TRABD: variants seen among roughly 807,000 people sequenced by gnomAD.
TRABD encodes the protein traB domain-containing protein.
TRABD carries 23 observed loss-of-function variants against 39.6 expected under a neutral mutation model. That is an observed-to-expected ratio of 0.58 (90% CI 0.42 to 0.82). The LOEUF (loss-of-function observed/expected upper bound fraction) is 0.82. Among genes scored for constraint, TRABD ranks in the 40% least tolerant of loss-of-function variants. TRABD has a pLI of 0.00. For synonymous variants in TRABD, 243 were observed against 232.1 expected (o/e 1.05, Z -0.43); for missense variants, 487 against 544.9 (o/e 0.89, Z 1.06).
Position 50,199,052 on chromosome 22 carries a change from G to A in TRABD, c.*533G>A. The A allele has an allele frequency of 4.2e-6, 3 of 709,320 alleles. No individual in the cohort carries two copies. Among genetic ancestry groups the A allele is most frequent in the South Asian group, 3.0e-5 (2 of 66,978 alleles). 43.9% of individuals were successfully genotyped at this position (709,320 alleles called of 1,614,324 possible). On this transcript the variant is annotated 3_prime_UTR_variant, in exon 10 of 10. Coordinates refer to ENST00000380909, the MANE Select transcript of TRABD (RefSeq NM_001320485.2). ...CCTCCCTGGCACCGTCTGCCTGCAGGGATTCTGTGTTTTTGGCTTTTTTAA... is the reference window on the plus strand; with the variant it reads ...CCTCCCTGGCACCGTCTGCCTGCAGAGATTCTGTGTTTTTGGCTTTTTTAA...
At position 50,198,506 on chromosome 22, in the gene TRABD, C is replaced by G. The variant is rs1312534136; in HGVS notation, c.1118C>G (p.Ala373Gly). The G allele has an allele frequency of 6.4e-7, 1 of 1,566,982 alleles. No homozygotes were observed. The highest frequency in any genetic ancestry group is 1.1e-5 in the South Asian group (1 of 86,970). Residue 373 changes from alanine to glycine, a missense_variant, in exon 10 of 10, where the codon GCC becomes GGC. This residue lies in a region of TRABD where 123 missense variants were observed against 108.3 expected (regional missense o/e 1.14). Transcript: ENST00000380909. This position sits in a 1 kb window ranked among gnomAD's most constrained non-coding sequence, Gnocchi z 7.9. ...TACTGCCTGCAGAGGGTGACCGAGG[C>G]CCGGCACAAGTAGGAGACTGCTCCC... is the stretch of plus-strand genomic sequence containing the variant. ...AQYCLQRVTEARHK is the reference protein window; with the variant it reads ...AQYCLQRVTEGRHK
chr22:50,196,106 G>C (rs993048482), intron 5 of TRABD, among the ~76,000 whole-genome samples: 2 of 152,196 alleles, frequency 1.3e-5, no homozygotes, highest in Non-Finnish European at 2.9e-5. Flanking sequence ...CGTGGGGCAG[G>C]GTCTGGGAGA....
At chr22:50,187,001 G>C (rs1278280596) in intron 1 of TRABD, among the ~76,000 whole-genome samples, 1 of 152,258 alleles carries the variant, frequency 6.6e-6, no homozygotes, top group African/African-American at 2.4e-5. Flanking sequence ...CTAGCTTTCA[G>C]GTCCCTGAAG....
At chr22:50,187,418 G>A (rs2063788664) in intron 1 of TRABD, among the ~76,000 whole-genome samples, 1 of 152,214 alleles carries the variant, frequency 6.6e-6, no homozygotes, top group South Asian at 2.1e-4. Flanking sequence ...CAAAGCTCTG[G>A]GCCACACCCT....
rs547754093 is a variant in TRABD at position 50,199,226 on chromosome 22, C to T, written c.*707C>T. The stretch of plus-strand genomic sequence containing the variant: ...GCTCGCGTGCAGCCAAACATCAGCT[C>T]TGGGTCCAGGCGTGGCCTCAGCTGG... On this transcript the variant is annotated 3_prime_UTR_variant, in exon 10 of 10. Transcript: ENST00000380909. 2.8e-5 allele frequency: 19 copies of T among 689,012 alleles called. No individual in the cohort carries two copies. Among genetic ancestry groups the T allele is most frequent in the Non-Finnish European group, 4.9e-5 (18 of 369,332 alleles). The allele number at this position is 689,012 out of a possible 1,614,324, so 42.7% of individuals were successfully genotyped here.
rs2064186264 is a variant in TRABD at position 50,198,068 on chromosome 22, C to T, written c.845-7C>T. On this transcript the variant is annotated splice_region_variant and splice_polypyrimidine_tract_variant and intron_variant, in intron 8 of 9. Transcript: ENST00000380909. This position sits in a 1 kb window ranked among gnomAD's most constrained non-coding sequence, Gnocchi z 7.9. The stretch of plus-strand genomic sequence containing the variant: ...AGCAGGTACTGACCCCTTGTCCTTC[C>T]CCACAGCCGAGCCCAGGAAGTGCGT... The T allele has an allele frequency of 1.2e-6, 2 of 1,612,458 alleles. No homozygotes were observed. The highest frequency in any genetic ancestry group is 1.7e-6 in the Non-Finnish European group (2 of 1,179,592).
At position 50,198,084 on chromosome 22, in the gene TRABD, G is replaced by C. The variant is rs2064187061; in HGVS notation, c.854G>C (p.Arg285Thr). Residue 285 changes from arginine to threonine, a missense_variant, in exon 9 of 10, where the codon AGG becomes ACG. By Grantham distance (71) the Arg-to-Thr change is moderately conservative. This residue lies in a region of TRABD where 358 missense variants were observed against 414.7 expected (regional missense o/e 0.86). Transcript: ENST00000380909. This position sits in a 1 kb window ranked among gnomAD's most constrained non-coding sequence, Gnocchi z 7.9. ...ELPRASDAEP[R>T]KCVPSVVVGV... is the part of the protein sequence containing the mutation. ...TTGTCCTTCCCCACAGCCGAGCCCA[G>C]GAAGTGCGTCCCCTCCGTGGTCGTG... 1 of 1,612,568 alleles carries C rather than the reference G, an allele frequency of 6.2e-7. No individual in the cohort carries two copies. The highest frequency in any genetic ancestry group is 8.5e-7 in the Non-Finnish European group (1 of 1,179,700).
chr22:50,193,014 T>G lies in TRABD; in HGVS notation c.-34-13T>G, dbSNP rs946647515. Reference sequence around the variant, plus strand: ...CTCCAGGTGGAAACCCCGCCTCTCATGCCTCTCCTCAGGCTCCCCACAGGT... The same window carrying G: ...CTCCAGGTGGAAACCCCGCCTCTCAGGCCTCTCCTCAGGCTCCCCACAGGT... On this transcript the variant is annotated splice_polypyrimidine_tract_variant and intron_variant, in intron 1 of 9. Transcript: ENST00000380909. 2 of 1,542,326 alleles carry G rather than the reference T, an allele frequency of 1.3e-6. No individual in the cohort carries two copies. The highest frequency in any genetic ancestry group is 1.7e-6 in the Non-Finnish European group (2 of 1,146,764).
chr22:50,189,366 C>T (rs2063835202), intron 1 of TRABD, among the ~76,000 whole-genome samples: 1 of 152,206 alleles, frequency 6.6e-6, no homozygotes, highest in South Asian at 2.1e-4. Flanking sequence ...TACCCATGCT[C>T]AGGAGGCATG....
At chr22:50,189,165 G>A (rs911131307) in intron 1 of TRABD, among the ~76,000 whole-genome samples, 1 of 152,150 alleles carries the variant, frequency 6.6e-6, no homozygotes, top group Non-Finnish European at 1.5e-5. Flanking sequence ...AGAGAAGCTC[G>A]AGGCCGAGGC....
At chr22:50,197,763 A>G (rs892976731) in intron 7 of TRABD, 60 bp from the exon 8 acceptor site, 4 of 1,439,782 alleles carry the variant, frequency 2.8e-6, no homozygotes, top group South Asian at 2.3e-5. Flanking sequence ...CCACAGTGCC[A>G]GCCCCACCCC....
intron 1 of TRABD, chr22:50,190,470 G>T (rs895453211): frequency 6.6e-6 from 1 of 152,320 alleles, no homozygotes; most frequent in African/African-American, 2.4e-5. Flanking sequence ...GTGGAGGGTG[G>T]GGGCTGACCG....
At chr22:50,197,763 A>AGCGCCCCCCCCCCCCCCCCGGT in intron 7 of TRABD, 60 bp from the exon 8 acceptor site, 1 of 1,439,784 alleles carries the variant, frequency 6.9e-7, no homozygotes, top group Non-Finnish European at 9.7e-7. Context: ...CCACAGTGCC[A>AGCGCCCCCCCCCCCCCCCCGGT]GCCCCACCCC....
rs767842575 is a variant in TRABD at position 50,199,172 on chromosome 22, A to C, written c.*653A>C. 10 of 716,860 alleles carry C rather than the reference A, an allele frequency of 1.4e-5. No individual in the cohort carries two copies. Among genetic ancestry groups the C allele is most frequent in the South Asian group, 8.9e-5 (6 of 67,714 alleles). The allele number at this position is 716,860 out of a possible 1,614,324, so 44.4% of individuals were successfully genotyped here. On this transcript the variant is annotated 3_prime_UTR_variant, in exon 10 of 10. Coordinates refer to ENST00000380909, the MANE Select transcript of TRABD (RefSeq NM_001320485.2). Reference sequence around the variant, plus strand: ...CCAGCCTTAAATCCAAAGGGAGAGAATTCGTGTTCTTGGGTCTGTCCCGAG... The same window carrying C: ...CCAGCCTTAAATCCAAAGGGAGAGACTTCGTGTTCTTGGGTCTGTCCCGAG...
chr22:50,198,600 G>T lies in TRABD; in HGVS notation c.*81G>T, dbSNP rs1319668972. The T allele has an allele frequency of 2.2e-6, 3 of 1,376,824 alleles. No homozygotes were observed. The highest frequency in any genetic ancestry group is 3.1e-5 in the South Asian group (2 of 65,052). 85.3% of individuals were successfully genotyped at this position (1,376,824 alleles called of 1,614,324 possible). On this transcript the variant is annotated 3_prime_UTR_variant, in exon 10 of 10. Coordinates refer to ENST00000380909, the MANE Select transcript of TRABD (RefSeq NM_001320485.2). This position sits in a 1 kb window ranked among gnomAD's most constrained non-coding sequence, Gnocchi z 7.9. ...CTGGGTGCCAGGTGCATCCTAGCCC[G>T]CCCGAGGCCCCTGCCACCCCCCATG...
chr22:50,189,700 A>C (rs1242639021), intron 1 of TRABD, among the ~76,000 whole-genome samples: 1 of 150,904 alleles, frequency 6.6e-6, no homozygotes, highest in Non-Finnish European at 1.5e-5. Flanking sequence ...CGCTGGCCGG[A>C]CCCCAGGTGA....
chr22:50,186,046 G>T (rs2063745485), intron 1 of TRABD, 70 bp downstream of exon 1: 1 of 141,980 alleles, frequency 7.0e-6, no homozygotes, highest in Non-Finnish European at 1.6e-5. Flanking sequence ...GCGGGCCCGG[G>T]TCAGGGCCGC....
chr22:50,197,493 C>G lies in TRABD; in HGVS notation c.576C>G (p.Pro192=), dbSNP rs1274927818. 5 of 1,613,872 alleles carry G rather than the reference C, an allele frequency of 3.1e-6. No homozygotes were observed. The South Asian group carries it at 5.5e-5, about 18-fold the overall frequency. Residue 192 remains proline (P), a synonymous_variant, in exon 7 of 10, where the codon CCC becomes CCG. Transcript: ENST00000380909. ...PFCKFHLGDR[P]IPVTFKRAIA... ...GCAAGTTCCACCTGGGTGACCGACC[C>G]ATCCCCGTCACCTTCAAGAGGGCCA...
chr22:50,185,948 C>A lies in TRABD; in HGVS notation c.-63C>A, dbSNP rs1342759732. On this transcript the variant is annotated 5_prime_UTR_variant, in exon 1 of 10. Coordinates refer to ENST00000380909, the MANE Select transcript of TRABD (RefSeq NM_001320485.2). Reference sequence around the variant, plus strand: ...TTGAGGGCCCGCGCCGCATGGAGGCCGGCTGAGGAGCGCCGCTGCCTCGCC... The same window carrying A: ...TTGAGGGCCCGCGCCGCATGGAGGCAGGCTGAGGAGCGCCGCTGCCTCGCC... 8 of 149,026 alleles carry A rather than the reference C, an allele frequency of 5.4e-5. No homozygotes were observed. The South Asian group carries it at 1.6e-3, about 30-fold the overall frequency. 9.2% of individuals were successfully genotyped at this position (149,026 alleles called of 1,614,324 possible). A position where few individuals can be genotyped will look rare whatever the true frequency, so the allele number is the denominator to read the frequency against.
Sources: gnomAD v4.1 joint callset for allele counts (sites outside exome capture counted in the v4.1 genomes callset) on GRCh38, gnomAD v4.1.1 for gene constraint, gnomAD v4.1.1 regional missense constraint, Gnocchi (gnomAD v3.1) non-coding constraint, MANE v1.5 for transcripts, NCBI Gene and HGNC (gene_info 2026-07-23, HGNC 2026-07-21) for gene names.